EPB41L2: variants seen among roughly 807,000 people sequenced by gnomAD.
EPB41L2 encodes erythrocyte membrane protein band 4.1 like 2.
EPB41L2 carries 43 observed loss-of-function variants against 113.0 expected under a neutral mutation model. The ratio of observed to expected loss-of-function variants is 0.38; its 90% CI spans 0.30 to 0.49. EPB41L2 has a LOEUF of 0.49. Ranked by LOEUF, EPB41L2 falls within the 20% of genes least tolerant of loss-of-function variation. The probability of loss-of-function intolerance (pLI) is 0.95; values close to 1 mark genes in which losing one functional copy is unlikely to be tolerated. For missense variants in EPB41L2, 1,147 were observed against 1,223.4 expected (o/e 0.94, Z 0.93); for synonymous variants, 442 against 436.7 (o/e 1.01, Z -0.15).
At chr6:131,035,702 C>T (rs374522659) in intron 1 of EPB41L2, among the ~76,000 whole-genome samples, 15 of 152,066 alleles carry the variant, frequency 9.9e-5, no homozygotes, top group African/African-American at 3.6e-4. Flanking sequence ...AAACTTTGAC[C>T]CTTTAAGACT....
At chr6:131,062,544 G>C (rs1357886692) in intron 1 of EPB41L2, 4 of 151,412 alleles carry the variant, frequency 2.6e-5, no homozygotes, top group Admixed American at 6.6e-5. Flanking sequence ...GCGCGGACGC[G>C]AGCCTACAGC....
rs1562753979 is a variant in EPB41L2, at chr6:131,023,751, AT to A, written c.-15+39403del. 1.9e-3 allele frequency among the ~76,000 whole-genome samples: 146 copies of A among 78,758 alleles called. 1 individual carries two copies. The highest frequency in any genetic ancestry group is 7.4e-3 in the African/African-American group (137 of 18,604). The allele number at this position is 78,758 out of a possible 152,430, so 51.7% of individuals were successfully genotyped here. ...TGTGTATATATATCTATATATCTAT[AT>A]ATAGATATATAGATATATAGATATA... On this transcript the variant is annotated intron_variant, in intron 1 of 19. Coordinates refer to ENST00000337057, the MANE Select transcript of EPB41L2 (RefSeq NM_001431.4).
At chr6:130,859,240 G>A (rs775252525) in intron 18 of EPB41L2, among the ~76,000 whole-genome samples, 8 of 152,128 alleles carry the variant, frequency 5.3e-5, no homozygotes, top group African/African-American at 1.7e-4. Context: ...GAATTCTAAA[G>A]GCCAGGCGTG....
At chr6:130,877,796 A>C (rs1408936492) in intron 14 of EPB41L2, among the ~76,000 whole-genome samples, 1 of 151,328 alleles carries the variant, frequency 6.6e-6, no homozygotes, top group Non-Finnish European at 1.5e-5. Context: ...AAAGCTTATT[A>C]AATACAGTAT....
At chr6:130,999,774 A>G (rs559389597) in intron 1 of EPB41L2, among the ~76,000 whole-genome samples, 7 of 152,344 alleles carry the variant, frequency 4.6e-5, no homozygotes, top group Middle Eastern at 6.8e-3. Flanking sequence ...AAGGGACCCA[A>G]GAAAATAACT....
chr6:130,902,579 T>C (rs1173008168), intron 6 of EPB41L2, among the ~76,000 whole-genome samples: 1 of 152,238 alleles, frequency 6.6e-6, no homozygotes, highest in African/African-American at 2.4e-5. Context: ...TAGAAAAACA[T>C]AAGCATTAAC....
At chr6:130,959,698 T>C (rs951825524) in intron 1 of EPB41L2, among the ~76,000 whole-genome samples, 1 of 152,236 alleles carries the variant, frequency 6.6e-6, no homozygotes, top group Non-Finnish European at 1.5e-5. Flanking sequence ...CCATTTCCCA[T>C]GTACTATTTA....
chr6:130,857,709 A>G (rs1375181529), intron 19 of EPB41L2, among the ~76,000 whole-genome samples: 2 of 152,038 alleles, frequency 1.3e-5, no homozygotes, highest in Non-Finnish European at 2.9e-5. Context: ...GGCATGCACC[A>G]ACATGCCCAT....
intron 1 of EPB41L2, among the ~76,000 whole-genome samples, chr6:131,021,750 C>A (rs944719764): frequency 6.6e-6 from 1 of 152,058 alleles, no homozygotes; most frequent in Non-Finnish European, 1.5e-5. Flanking sequence ...CTAATTTAAT[C>A]CTTACAAAAA....
chr6:130,922,716 T>C (rs904379401), intron 4 of EPB41L2, among the ~76,000 whole-genome samples: 5 of 152,172 alleles, frequency 3.3e-5, no homozygotes, highest in African/African-American at 9.7e-5. Context: ...TGATCAGCTG[T>C]TAACAGCCAT....
intron 16 of EPB41L2, chr6:130,865,921 A>G (rs368787108): frequency 1.5e-4 from 45 of 298,808 alleles, no homozygotes; most frequent in African/African-American, 9.5e-4. Context: ...AATTTGTCTG[A>G]AGGACTTTTG....
intron 3 of EPB41L2, among the ~76,000 whole-genome samples, chr6:130,939,827 G>T (rs1312714652): frequency 6.6e-6 from 1 of 152,212 alleles, no homozygotes; most frequent in Non-Finnish European, 1.5e-5. Flanking sequence ...TTCAGGGGAA[G>T]AGTCCACTTT....
chr6:130,970,518 T>C (rs1776515310), intron 1 of EPB41L2: 1 of 152,212 alleles, frequency 6.6e-6, no homozygotes, highest in Non-Finnish European at 1.5e-5. Flanking sequence ...TCCTGCTGCC[T>C]GTTTTACCCA....
chr6:131,030,447 G>A (rs1243878446), intron 1 of EPB41L2, among the ~76,000 whole-genome samples: 1 of 152,210 alleles, frequency 6.6e-6, no homozygotes, highest in Non-Finnish European at 1.5e-5. Flanking sequence ...AGCAGAAAGT[G>A]ACAAATCATT....
chr6:131,024,975 T>C (rs1437751517), intron 1 of EPB41L2, among the ~76,000 whole-genome samples: 2 of 152,224 alleles, frequency 1.3e-5, no homozygotes, highest in African/African-American at 4.8e-5. Flanking sequence ...CTTCATTCTA[T>C]GGGTATCATT....
At chr6:131,053,813 T>C (rs1797098172) in intron 1 of EPB41L2, among the ~76,000 whole-genome samples, 1 of 152,240 alleles carries the variant, frequency 6.6e-6, no homozygotes, top group Non-Finnish European at 1.5e-5. Context: ...CCCTCATTCT[T>C]TCGACCTCCA....
Position 130,896,480 on chromosome 6 carries a change from T to C in EPB41L2, c.1237-1361A>G, listed in dbSNP as rs910560364. Among the ~76,000 whole-genome samples the C allele has an allele frequency of 3.9e-5, 6 of 152,138 alleles. No homozygotes were observed. The South Asian group carries it at 6.2e-4, about 16-fold the overall frequency. On this transcript the variant is annotated intron_variant, in intron 8 of 19. Coordinates refer to ENST00000337057, the MANE Select transcript of EPB41L2 (RefSeq NM_001431.4). ...AGGCAGAAGATTGCCCGAGACGGCATGTTCTTACCACAAGTGGGGAGGCAA... is the reference window on the plus strand; with the variant it reads ...AGGCAGAAGATTGCCCGAGACGGCACGTTCTTACCACAAGTGGGGAGGCAA...
intron 3 of EPB41L2, among the ~76,000 whole-genome samples, chr6:130,944,162 T>TACACACACACACACACACAC (rs537919934): frequency 1.2e-4 from 16 of 132,996 alleles, no homozygotes; most frequent in East Asian, 2.6e-4. Flanking sequence ...TATACGTACA[T>TACACACACACACACACACAC]ACACACACAT....
At chr6:130,967,059 A>T (rs1486139631) in intron 1 of EPB41L2, among the ~76,000 whole-genome samples, 1 of 152,132 alleles carries the variant, frequency 6.6e-6, no homozygotes, top group Non-Finnish European at 1.5e-5. Context: ...ATTTTTTTTA[A>T]GAAGTGTATC....
Sources: gnomAD v4.1 joint callset for allele counts (sites outside exome capture counted in the v4.1 genomes callset) on GRCh38, gnomAD v4.1.1 for gene constraint, MANE v1.5 for transcripts, NCBI Gene and HGNC (gene_info 2026-07-23, HGNC 2026-07-21) for gene names.